Variants in ASB1 observed in about 807,000 individuals in gnomAD.
ASB1 encodes ankyrin repeat and SOCS box protein 1.
Under a neutral mutation model 27.7 loss-of-function variants are expected in ASB1, and 18 were observed. That is an observed-to-expected ratio of 0.65 (90% CI 0.45 to 0.96). ASB1 has a LOEUF of 0.96. Ranked by LOEUF, ASB1 falls within the 50% of genes least tolerant of loss-of-function variation. The probability of loss-of-function intolerance (pLI) is 0.00; values close to 1 mark genes in which losing one functional copy is unlikely to be tolerated. For missense variants in ASB1, 397 were observed against 451.7 expected, an observed-to-expected ratio of 0.88 and a Z score of 1.10; for synonymous variants, 189 against 187.6, an observed-to-expected ratio of 1.01 and a Z score of -0.06.
chr2:238,432,641 T>C (rs1304586272), intron 1 of ASB1, among the ~76,000 whole-genome samples: 1 of 152,246 alleles, frequency 6.6e-6, no homozygotes, highest in Non-Finnish European at 1.5e-5. Flanking sequence ...GACTATGTTC[T>C]CCTTCATAGT....
rs1702258742 is a variant in ASB1 at position 238,450,311 on chromosome 2, C to G, written c.*3800C>G. 6.6e-6 allele frequency: 1 copy of G among 152,172 alleles called. No individual in the cohort carries two copies. The highest frequency in any genetic ancestry group is 1.5e-5 in the Non-Finnish European group (1 of 68,036). 9.4% of individuals were successfully genotyped at this position (152,172 alleles called of 1,614,324 possible). On this transcript the variant is annotated 3_prime_UTR_variant, in exon 5 of 5. Transcript: ENST00000264607. ...AATAATTGATGAAGTCACATTTGTTCAACTTAAAGGATTGTTCTTTATTCT... is the reference window on the plus strand; with the variant it reads ...AATAATTGATGAAGTCACATTTGTTGAACTTAAAGGATTGTTCTTTATTCT...
At chr2:238,442,946 A>C (rs1218376345) in intron 3 of ASB1, among the ~76,000 whole-genome samples, 1 of 152,166 alleles carries the variant, frequency 6.6e-6, no homozygotes, top group Non-Finnish European at 1.5e-5. Flanking sequence ...TTTAGCCTTT[A>C]TAATAAACTT....
chr2:238,436,248 T>C (rs1701969195), intron 3 of ASB1, among the ~76,000 whole-genome samples: 1 of 152,086 alleles, frequency 6.6e-6, no homozygotes, highest in South Asian at 2.1e-4. Flanking sequence ...TTGAGTTGAC[T>C]GCTTATTCAT....
At chr2:238,442,362 T>A (rs1575007129) in intron 3 of ASB1, among the ~76,000 whole-genome samples, 1 of 152,172 alleles carries the variant, frequency 6.6e-6, no homozygotes, top group East Asian at 1.9e-4. Flanking sequence ...TCCACCTGCC[T>A]TGGCCTCCTA....
chr2:238,450,211 A>T lies in ASB1; in HGVS notation c.*3700A>T, dbSNP rs514795. The T allele has an allele frequency of 0.25, 38,443 of 152,256 alleles. 5,942 individuals carry two copies. Among genetic ancestry groups the T allele is most frequent in the Middle Eastern group, 0.38 (111 of 292 alleles). The allele number at this position is 152,256 out of a possible 1,614,324, so 9.4% of individuals were successfully genotyped here. A position where few individuals can be genotyped will look rare whatever the true frequency, so the allele number is the denominator to read the frequency against. On this transcript the variant is annotated 3_prime_UTR_variant, in exon 5 of 5. Transcript: ENST00000264607. ...TGGACTGTGGACCCCGATGGGCCAG[A>T]GTCCTTGTGGCCCACAGCATAGCAC...
rs370306772 is a variant in ASB1, at chr2:238,427,341, C to A, written c.49+222C>A. 8.5e-5 allele frequency: 32 copies of A among 377,458 alleles called. No homozygotes were observed. The East Asian group carries it at 1.2e-3, about 14-fold the overall frequency. 23.4% of individuals were successfully genotyped at this position (377,458 alleles called of 1,614,324 possible). A position where few individuals can be genotyped will look rare whatever the true frequency, so the allele number is the denominator to read the frequency against. On this transcript the variant is annotated intron_variant, in intron 1 of 4. Coordinates refer to ENST00000264607, the MANE Select transcript of ASB1 (RefSeq NM_001040445.3). ...CCCTCTCCTCGGCCTCGAGTGCAGT[C>A]CCCGCGCTAGATTTTCTTTCCGGTG...
At chr2:238,435,332 A>G in intron 2 of ASB1, 1 of 238,596 alleles carries the variant, frequency 4.2e-6, no homozygotes, top group South Asian at 5.9e-5. Context: ...AGAGCAGCCT[A>G]GGGGCTCTTA....
rs1214469751 is a variant in ASB1, at chr2:238,427,040, G to A, written c.-31G>A. The A allele has an allele frequency of 8.0e-7, 1 of 1,256,744 alleles. No individual in the cohort carries two copies. Among genetic ancestry groups the A allele is most frequent in the Non-Finnish European group, 1.0e-6 (1 of 1,001,486 alleles). The allele number at this position is 1,256,744 out of a possible 1,614,324, so 77.8% of individuals were successfully genotyped here. ...CTTCCTGCCCGAGGGGCGTGCGCGGGTCAGGGGCGGCCGCGGAGGCGGAAG... is the reference window on the plus strand; with the variant it reads ...CTTCCTGCCCGAGGGGCGTGCGCGGATCAGGGGCGGCCGCGGAGGCGGAAG... On this transcript the variant is annotated 5_prime_UTR_variant, in exon 1 of 5. Coordinates refer to ENST00000264607, the MANE Select transcript of ASB1 (RefSeq NM_001040445.3).
intron 4 of ASB1, among the ~76,000 whole-genome samples, chr2:238,444,972 G>C (rs547058069): frequency 2.1e-5 from 3 of 142,874 alleles, no homozygotes; most frequent in Non-Finnish European, 4.5e-5. Flanking sequence ...AATTATGCTC[G>C]CGCTCTCTTT....
chr2:238,427,342 C>T (rs1382154069), intron 1 of ASB1: 5 of 377,276 alleles, frequency 1.3e-5, no homozygotes, highest in African/African-American at 4.2e-5. Flanking sequence ...GAGTGCAGTC[C>T]CCGCGCTAGA....
intron 3 of ASB1, among the ~76,000 whole-genome samples, chr2:238,439,717 C>T (rs533329045): frequency 5.9e-5 from 9 of 152,274 alleles, no homozygotes; most frequent in African/African-American, 1.7e-4. Flanking sequence ...GGGCAGGAAT[C>T]GCAAAGGGAG....
rs1340939395 is a variant in ASB1, at chr2:238,446,761, A to G, written c.*250A>G. 1 of 476,988 alleles carries G rather than the reference A, an allele frequency of 2.1e-6. No individual in the cohort carries two copies. Among genetic ancestry groups the G allele is most frequent in the Non-Finnish European group, 3.8e-6 (1 of 264,056 alleles). The allele number at this position is 476,988 out of a possible 1,614,324, so 29.5% of individuals were successfully genotyped here. On this transcript the variant is annotated 3_prime_UTR_variant, in exon 5 of 5. Coordinates refer to ENST00000264607, the MANE Select transcript of ASB1 (RefSeq NM_001040445.3). ...CTCTGTTCTGGATTTTCAGTTGCAT[A>G]TTAATGTAACGGGCCATGGGGTATG...
At chr2:238,436,095 T>C (rs1559413585) in intron 3 of ASB1, 82 bp downstream of exon 3, 1 of 1,369,686 alleles carries the variant, frequency 7.3e-7, no homozygotes, top group South Asian at 1.5e-5. Context: ...GTCTTTAGAA[T>C]TCGGCTCTTT....
chr2:238,427,994 C>T (rs905799387), intron 1 of ASB1, among the ~76,000 whole-genome samples: 2 of 152,208 alleles, frequency 1.3e-5, no homozygotes, highest in Non-Finnish European at 2.9e-5. Flanking sequence ...TCCATCCCTC[C>T]CTCTGCACCT....
intron 1 of ASB1, among the ~76,000 whole-genome samples, chr2:238,432,914 T>G (rs1298639573): frequency 1.3e-5 from 2 of 151,584 alleles, no homozygotes; most frequent in African/African-American, 4.8e-5. Flanking sequence ...GCCCAGCTAA[T>G]TTTTTGTATT....
chr2:238,438,013 C>T (rs1223916052), intron 3 of ASB1, among the ~76,000 whole-genome samples: 4 of 152,138 alleles, frequency 2.6e-5, no homozygotes, highest in African/African-American at 2.4e-5. Flanking sequence ...TAAGCTACTT[C>T]AGTCCCTTGT....
Position 238,426,943 on chromosome 2 carries a change from G to C in ASB1, c.-128G>C, listed in dbSNP as rs1279225348. 1.5e-6 allele frequency: 1 copy of C among 670,492 alleles called. No individual in the cohort carries two copies. 41.5% of individuals were successfully genotyped at this position (670,492 alleles called of 1,614,324 possible). A position where few individuals can be genotyped will look rare whatever the true frequency, so the allele number is the denominator to read the frequency against. On this transcript the variant is annotated 5_prime_UTR_variant, in exon 1 of 5. Coordinates refer to ENST00000264607, the MANE Select transcript of ASB1 (RefSeq NM_001040445.3). ...CCGGAAACCAGTGAGGCCGGCGCGCGCCCGCCGGAAGCCGCGACCCCGACG... is the reference window on the plus strand; with the variant it reads ...CCGGAAACCAGTGAGGCCGGCGCGCCCCCGCCGGAAGCCGCGACCCCGACG...
At chr2:238,439,801 G>A (rs892870023) in intron 3 of ASB1, among the ~76,000 whole-genome samples, 1 of 152,106 alleles carries the variant, frequency 6.6e-6, no homozygotes, top group African/African-American at 2.4e-5. Context: ...ACTCACTTCC[G>A]TTATTTGATT....
At chr2:238,439,436 G>C (rs2106407150) in intron 3 of ASB1, among the ~76,000 whole-genome samples, 1 of 152,314 alleles carries the variant, frequency 6.6e-6, no homozygotes, top group Middle Eastern at 3.4e-3. Flanking sequence ...GTGCTGAGGA[G>C]ACGGTTAGAA....
Sources: gnomAD v4.1 joint callset for allele counts (sites outside exome capture counted in the v4.1 genomes callset) on GRCh38, gnomAD v4.1.1 for gene constraint, MANE v1.5 for transcripts, NCBI Gene and HGNC (gene_info 2026-07-23, HGNC 2026-07-21) for gene names.